Variants in FGD6 observed in about 807,000 individuals in gnomAD.
The protein encoded by FGD6 is FYVE, RhoGEF and PH domain containing 6.
A neutral mutation model predicts 149.4 loss-of-function variants in FGD6; 90 were observed. The observed-to-expected ratio is 0.60, with a 90% CI of 0.51 to 0.72. The LOEUF (loss-of-function observed/expected upper bound fraction) is 0.72, where lower values mean the gene tolerates loss of function less well. Ranked by LOEUF, FGD6 falls within the 30% of genes least tolerant of loss-of-function variation. The pLI is 0.00. For missense variants in FGD6, 1,437 were observed against 1,684.8 expected, an observed-to-expected ratio of 0.85 and a Z score of 2.57; for synonymous variants, 527 against 584.0, an observed-to-expected ratio of 0.90 and a Z score of 1.41.
chr12:95,094,325 T>G (rs1878169060), intron 15 of FGD6, among the ~76,000 whole-genome samples: 1 of 152,098 alleles, frequency 6.6e-6, no homozygotes, highest in South Asian at 2.1e-4. Context: ...CCTTAAACTG[T>G]TTCGTATTTT....
chr12:95,182,354 C>G (rs1443134250), intron 2 of FGD6, among the ~76,000 whole-genome samples: 1 of 151,830 alleles, frequency 6.6e-6, no homozygotes, highest in Non-Finnish European at 1.5e-5. Flanking sequence ...AGGTGCCCCA[C>G]CACGCCCGGC....
chr12:95,131,275 A>T (rs1391918644), intron 8 of FGD6, among the ~76,000 whole-genome samples: 1 of 151,694 alleles, frequency 6.6e-6, no homozygotes, highest in East Asian at 1.9e-4. Flanking sequence ...TGCCTGGCTG[A>T]TTTTTGTATT....
chr12:95,135,282 A>G (rs1219575243), intron 7 of FGD6, among the ~76,000 whole-genome samples: 1 of 152,226 alleles, frequency 6.6e-6, no homozygotes, highest in Non-Finnish European at 1.5e-5. Context: ...TGGTCAATAT[A>G]GTCAAAATAA....
intron 2 of FGD6, among the ~76,000 whole-genome samples, chr12:95,201,074 C>T (rs916703211): frequency 5.9e-5 from 9 of 151,434 alleles, no homozygotes; most frequent in Middle Eastern, 6.8e-3. Flanking sequence ...TTTATCTATG[C>T]GATTCCAGGA....
intron 2 of FGD6, among the ~76,000 whole-genome samples, chr12:95,204,858 T>C (rs1265130345): frequency 1.3e-5 from 2 of 152,220 alleles, no homozygotes; most frequent in Non-Finnish European, 2.9e-5. Context: ...AAGCTGTTTC[T>C]TTGGGAAATA....
At chr12:95,141,568 TAC>T (rs1192571976) in intron 5 of FGD6, 29 bp from the exon 6 acceptor site, 1 of 1,612,822 alleles carries the variant, frequency 6.2e-7, no homozygotes. Context: ...GGAAAAACAA[TAC>T]ACACACATGT....
At chr12:95,161,846 C>T (rs1470182745) in intron 3 of FGD6, among the ~76,000 whole-genome samples, 1 of 152,086 alleles carries the variant, frequency 6.6e-6, no homozygotes, top group Non-Finnish European at 1.5e-5. Flanking sequence ...ATTCACTGCT[C>T]TACATATAAA....
At chr12:95,168,662 T>A (rs1449496971) in intron 3 of FGD6, among the ~76,000 whole-genome samples, 1 of 150,412 alleles carries the variant, frequency 6.6e-6, no homozygotes, top group African/African-American at 2.4e-5. Flanking sequence ...AAACTTCATC[T>A]TAAAAAAAAA....
In FGD6 at chr12:95,126,904, G is replaced by T. The variant is rs552550786; in HGVS notation, c.3082+7835C>A. ...GATCATACCACTGCACTCCAGCTGG[G>T]GTGACAGGGTGAGACTTGGTCTCAA... is the stretch of plus-strand genomic sequence containing the variant. On this transcript the variant is annotated intron_variant, in intron 8 of 20. Transcript: ENST00000343958. Among the ~76,000 whole-genome samples the T allele has an allele frequency of 3.3e-5, 5 of 152,066 alleles. No individual in the cohort carries two copies. The East Asian group carries it at 9.6e-4, about 29-fold the overall frequency.
chr12:95,161,782 T>C (rs1050902191), intron 3 of FGD6, among the ~76,000 whole-genome samples: 1 of 151,282 alleles, frequency 6.6e-6, no homozygotes, highest in Non-Finnish European at 1.5e-5. Context: ...AGTAACTGAC[T>C]TTCTGTCATT....
chr12:95,209,935 G>A lies in FGD6; in HGVS notation c.1349C>T (p.Thr450Ile). Reference sequence around the variant, plus strand: ...CTGCTTAGGCAGGCTCATAGATACAGTACATCTTATAAAACCGGTCCCTTC... The same window carrying A: ...CTGCTTAGGCAGGCTCATAGATACAATACATCTTATAAAACCGGTCCCTTC... The part of the protein sequence containing the change: ...VDEGTGFIRC[T>I]VSMSLPKQLK... The change falls in exon 2 of 21, where the codon ACT becomes ATT. Residue 450 changes from threonine (T) to isoleucine (I), a missense_variant. Physicochemically the swap from Thr to Ile is moderately conservative, Grantham distance 89. Around this residue, in one of 2 missense-constraint regions of FGD6, gnomAD observed 1,055 missense variants for 1,146.0 expected, o/e 0.92. Transcript: ENST00000343958. 3 of 1,612,868 alleles carry A rather than the reference G, an allele frequency of 1.9e-6. No homozygotes were observed. The highest frequency in any genetic ancestry group is 1.7e-6 in the Non-Finnish European group (2 of 1,179,690).
rs559091249 is a variant in FGD6 at position 95,148,644 on chromosome 12, T to C, written c.2685+4167A>G. Among the ~76,000 whole-genome samples, 557 of 107,504 alleles carry C rather than the reference T, an allele frequency of 5.2e-3. 18 individuals carry two copies. The highest frequency in any genetic ancestry group is 0.012 in the African/African-American group (301 of 24,930). The allele number at this position is 107,504 out of a possible 152,430, so 70.5% of individuals were successfully genotyped here. A position where few individuals can be genotyped will look rare whatever the true frequency, so the allele number is the denominator to read the frequency against. The stretch of plus-strand genomic sequence containing the variant: ...ATAATACATAGCATATGTTATATTA[T>C]ATATATTATATATTATATAATACAT... On this transcript the variant is annotated intron_variant, in intron 5 of 20. Coordinates refer to ENST00000343958, the MANE Select transcript of FGD6 (RefSeq NM_018351.4).
At position 95,217,199 on chromosome 12, in the gene FGD6, G is replaced by A. The variant is rs1258783865; in HGVS notation, c.16+26C>T. 14 of 1,611,946 alleles carry A rather than the reference G, an allele frequency of 8.7e-6. No homozygotes were observed. The Admixed American group carries it at 2.3e-4, about 27-fold the overall frequency. Reference sequence around the variant, plus strand: ...AGCAGCGCTCGCCACAAACTTTCCCGCGGCAGCGCGAGCGCCGTCACTTAC... The same window carrying A: ...AGCAGCGCTCGCCACAAACTTTCCCACGGCAGCGCGAGCGCCGTCACTTAC... On this transcript the variant is annotated intron_variant, in intron 1 of 20. Transcript: ENST00000343958.
intron 8 of FGD6, among the ~76,000 whole-genome samples, chr12:95,115,400 C>T (rs1161967139): frequency 2.3e-5 from 3 of 129,218 alleles, no homozygotes; most frequent in East Asian, 2.2e-4. Flanking sequence ...TCCATGTCTG[C>T]TTTTTTTTTT....
chr12:95,121,898 T>C (rs1005235362), intron 8 of FGD6, among the ~76,000 whole-genome samples: 1 of 152,134 alleles, frequency 6.6e-6, no homozygotes, highest in Non-Finnish European at 1.5e-5. Flanking sequence ...TAATAGGTTA[T>C]TTAATAAACA....
Position 95,115,933 on chromosome 12 carries a change from ATAAACATAT to A in FGD6, c.3083-2241_3083-2233del, listed in dbSNP as rs535769295. ...AATAAGCCATGGTGAGATGTTATGT[ATAAACATAT>A]TAAGCTTCCCTGCGCCATGGCATAG... On this transcript the variant is annotated intron_variant, in intron 8 of 20. Transcript: ENST00000343958. Among the ~76,000 whole-genome samples, 204 of 152,352 alleles carry A rather than the reference ATAAACATAT, an allele frequency of 1.3e-3. 2 individuals carry two copies. The highest frequency in any genetic ancestry group is 4.7e-3 in the African/African-American group (196 of 41,578).
In FGD6 at chr12:95,182,202, C is replaced by T. The variant is rs528221652; in HGVS notation, c.2442-9458G>A. ...TCACAGTTGCATACACATATTTACA[C>T]ATATATATGTATACATACTTTTTTT... On this transcript the variant is annotated intron_variant, in intron 2 of 20. Coordinates refer to ENST00000343958, the MANE Select transcript of FGD6 (RefSeq NM_018351.4). Among the ~76,000 whole-genome samples the T allele has an allele frequency of 3.4e-3, 472 of 140,484 alleles. 1 individual carries two copies. The highest frequency in any genetic ancestry group is 0.019 in the Middle Eastern group (5 of 270). The allele number at this position is 140,484 out of a possible 152,430, so 92.2% of individuals were successfully genotyped here. A position where few individuals can be genotyped will look rare whatever the true frequency, so the allele number is the denominator to read the frequency against.
chr12:95,108,397 T>C lies in FGD6; in HGVS notation c.3215A>G (p.Gln1072Arg). The C allele has an allele frequency of 6.2e-7, 1 of 1,614,150 alleles. No homozygotes were observed. The highest frequency in any genetic ancestry group is 8.5e-7 in the Non-Finnish European group (1 of 1,180,014). ...GTGTCCATTTAAGCTGTACTGAATT[T>C]GCATAAGTTTCTGAAAGTTGTCCTA... ...KQGDNFQKLM[Q>R]IQYSLNGHHE... The change falls in exon 11 of 21, where the codon CAA (glutamine) becomes CGA (arginine). Residue 1072 changes from glutamine to arginine, a missense_variant. Physicochemically the swap from Gln to Arg is conservative, Grantham distance 43 (BLOSUM62 1). Transcript: ENST00000343958.
At chr12:95,211,341 C>A in intron 1 of FGD6, 74 bp from the exon 2 acceptor site, 1 of 1,485,996 alleles carries the variant, frequency 6.7e-7, no homozygotes, top group South Asian at 1.4e-5. Context: ...AATCTGATAG[C>A]ATTTTTTATT....
Sources: gnomAD v4.1 joint callset for allele counts (sites outside exome capture counted in the v4.1 genomes callset) on GRCh38, gnomAD v4.1.1 for gene constraint, gnomAD v4.1.1 regional missense constraint, MANE v1.5 for transcripts, NCBI Gene and HGNC (gene_info 2026-07-23, HGNC 2026-07-21) for gene names.